The following XK variants were observed in gnomAD, a reference collection of about 807,000 sequenced individuals.
XK encodes the protein endoplasmic reticulum membrane adapter protein XK.
A neutral mutation model predicts 14.0 loss-of-function variants in XK; 2 were observed. The observed-to-expected ratio is 0.14, with a 90% CI of 0.06 to 0.45. The LOEUF (loss-of-function observed/expected upper bound fraction) is 0.45. Ranked by LOEUF, XK falls within the 20% of genes least tolerant of loss-of-function variation. The probability of loss-of-function intolerance (pLI) is 0.98; values close to 1 mark genes in which losing one functional copy is unlikely to be tolerated. For synonymous variants in XK, 149 were observed against 147.5 expected (o/e 1.01, Z -0.08); for missense variants, 235 against 341.5 (o/e 0.69, Z 2.46).
intron 2 of XK, among the ~76,000 whole-genome samples, chrX:37,704,513 G>A (rs1337775184): frequency 9.0e-6 from 1 of 110,609 alleles, no homozygotes; most frequent in Non-Finnish European, 1.9e-5. Flanking sequence ...CTCTAGCCTG[G>A]GCCACAAAAT....
At chrX:37,700,504 T>A (rs182347896) in intron 2 of XK, among the ~76,000 whole-genome samples, 79 of 112,165 alleles carry the variant, frequency 7.0e-4, no homozygotes, top group African/African-American at 2.4e-3. Context: ...GGAGAAGCTA[T>A]CCCATAGAGA....
rs61667945 is a variant in XK, at chrX:37,688,027, ATTTCTTTC to A, written c.245+1849_245+1856del. 3.1e-3 allele frequency among the ~76,000 whole-genome samples: 242 copies of A among 77,252 alleles called. 1 individual carries two copies. The highest frequency in any genetic ancestry group is 3.6e-3 in the Non-Finnish European group (146 of 40,654). 67.1% of individuals were successfully genotyped at this position (77,252 alleles called of 115,157 possible). On this transcript the variant is annotated intron_variant, in intron 1 of 2. Transcript: ENST00000378616. ...TCTGACTTTGGGCAGGGCACTTATCATTTCTTTCTTTCTTTCTTTCTTTCTTTCTTTCT... is the reference window on the plus strand; with the variant it reads ...TCTGACTTTGGGCAGGGCACTTATCATTTCTTTCTTTCTTTCTTTCTTTCT...
At chrX:37,722,201 T>A (rs1414792113) in intron 2 of XK, among the ~76,000 whole-genome samples, 3 of 111,603 alleles carry the variant, frequency 2.7e-5, no homozygotes, top group African/African-American at 9.7e-5. Context: ...ATTATAGAAA[T>A]TTTTCAACAT....
Position 37,728,778 on chromosome X carries a change from T to C in XK, c.*316T>C, listed in dbSNP as rs1477085449. 1 of 265,218 alleles carries C rather than the reference T, an allele frequency of 3.8e-6. No homozygotes were observed. The highest frequency in any genetic ancestry group is 6.7e-6 in the Non-Finnish European group (1 of 148,526). 21.9% of individuals were successfully genotyped at this position (265,218 alleles called of 1,213,427 possible). A position where few individuals can be genotyped will look rare whatever the true frequency, so the allele number is the denominator to read the frequency against. ...GTTGTACTGGTTAGATTCATTAGGT[T>C]GAATGAGGAGAGGGGCTTACCTGTT... On this transcript the variant is annotated 3_prime_UTR_variant, in exon 3 of 3. Coordinates refer to ENST00000378616, the MANE Select transcript of XK (RefSeq NM_021083.4).
In XK at chrX:37,687,813, C is replaced by T. The variant is rs782135226; in HGVS notation, c.245+1607C>T. Among the ~76,000 whole-genome samples, 245 of 111,040 alleles carry T rather than the reference C, an allele frequency of 2.2e-3. 1 individual carries two copies. Among genetic ancestry groups the T allele is most frequent in the African/African-American group, 7.8e-3 (238 of 30,529 alleles). On this transcript the variant is annotated intron_variant, in intron 1 of 2. Coordinates refer to ENST00000378616, the MANE Select transcript of XK (RefSeq NM_021083.4). The stretch of plus-strand genomic sequence containing the variant: ...CTAGAAAGGAAAATAAACAGGTACA[C>T]TGGCAGGAGTGGGAGGTTGCTGCTG...
chrX:37,713,346 G>A (rs1337469623), intron 2 of XK, among the ~76,000 whole-genome samples: 5 of 111,555 alleles, frequency 4.5e-5, no homozygotes, highest in Non-Finnish European at 9.4e-5. Context: ...GAGACATGAA[G>A]GAGAAGTTTT....
Position 37,727,982 on chromosome X carries a change from A to T in XK, c.855A>T (p.Leu285Phe). ...GTTIVLCFLT[L>F]LYTGINMFCW... Reference sequence around the variant, plus strand: ...CCATTGTACTATGCTTTCTAACTTTACTCTATACTGGTATCAACATGTTCT... The same window carrying T: ...CCATTGTACTATGCTTTCTAACTTTTCTCTATACTGGTATCAACATGTTCT... Residue 285 changes from leucine (L) to phenylalanine (F), a missense_variant, in exon 3 of 3, where the codon TTA becomes TTT. Transcript: ENST00000378616. 8.3e-7 allele frequency: 1 copy of T among 1,210,486 alleles called. No individual in the cohort carries two copies. The highest frequency in any genetic ancestry group is 3.0e-5 in the East Asian group (1 of 33,764).
Position 37,694,534 on chromosome X carries a change from T to C in XK, c.494T>C (p.Val165Ala). ...TACATAAGTGTCATGCAGCAGGACGTCACTGTTGGAAGAAGTACGTGTATT... is the reference window on the plus strand; with the variant it reads ...TACATAAGTGTCATGCAGCAGGACGCCACTGTTGGAAGAAGTACGTGTATT... ...QLYISVMQQD[V>A]TVGRSLLMTI... Residue 165 changes from valine to alanine, a missense_variant, in exon 2 of 3, where the codon GTC (valine) becomes GCC (alanine). Val to Ala is a moderately conservative substitution (Grantham distance 64). Coordinates refer to ENST00000378616, the MANE Select transcript of XK (RefSeq NM_021083.4). The C allele has an allele frequency of 2.5e-6, 3 of 1,191,156 alleles. No homozygotes were observed. Among genetic ancestry groups the C allele is most frequent in the Non-Finnish European group, 3.4e-6 (3 of 883,783 alleles).
At chrX:37,711,276 C>G (rs978903950) in intron 2 of XK, among the ~76,000 whole-genome samples, 20 of 112,226 alleles carry the variant, frequency 1.8e-4, no homozygotes, top group African/African-American at 6.5e-4. Context: ...AGCCGTATGT[C>G]CATGCAGCTG....
At chrX:37,727,487 C>A in intron 2 of XK, 149 bp from the exon 3 acceptor site, 1 of 538,046 alleles carries the variant, frequency 1.9e-6, no homozygotes, top group Non-Finnish European at 3.2e-6. Context: ...TACTCAAGCA[C>A]AGTGGGCAGA....
chrX:37,686,543 G>T (rs1205267322), intron 1 of XK, among the ~76,000 whole-genome samples: 1 of 112,141 alleles, frequency 8.9e-6, no homozygotes, highest in African/African-American at 3.2e-5. Context: ...GCTCTGACAG[G>T]ATTGGCTTGT....
chrX:37,705,919 A>AT (rs556188481), intron 2 of XK, among the ~76,000 whole-genome samples: 23,826 of 96,262 alleles, frequency 0.25, 3,105 homozygotes, highest in African/African-American at 0.47. Flanking sequence ...TGCCTGGCTG[A>AT]TTTTTTTTTT....
chrX:37,711,491 C>G (rs1284083163), intron 2 of XK, among the ~76,000 whole-genome samples: 1 of 112,638 alleles, frequency 8.9e-6, no homozygotes, highest in Admixed American at 9.3e-5. Flanking sequence ...GATAAGACTT[C>G]AGCCTCTCTG....
Position 37,727,826 on chromosome X carries a change from G to A in XK, c.699G>A (p.Leu233=), listed in dbSNP as rs1390237051. Residue 233 remains leucine, a synonymous_variant, in exon 3 of 3, where the codon CTG becomes CTA. Transcript: ENST00000378616. The part of the protein sequence containing the change: ...VVVLVLFTSV[L]KTWVVVIILI... ...TCCTGGTCCTCTTTACCTCCGTCCT[G>A]AAGACCTGGGTGGTGGTTATAATAC... The A allele has an allele frequency of 8.3e-7, 1 of 1,209,153 alleles. No homozygotes were observed. Among genetic ancestry groups the A allele is most frequent in the Non-Finnish European group, 1.1e-6 (1 of 895,002 alleles).
chrX:37,731,571 A>G lies in XK; in HGVS notation c.*3109A>G, dbSNP rs1358053068. On this transcript the variant is annotated 3_prime_UTR_variant, in exon 3 of 3. Transcript: ENST00000378616. ...TTTATAGAGTTATTATAGTTATTCA[A>G]ATCCATAAGCAGGTTATTTTTATTT... 1.8e-5 allele frequency: 2 copies of G among 112,535 alleles called. No homozygotes were observed. Among genetic ancestry groups the G allele is most frequent in the Non-Finnish European group, 3.8e-5 (2 of 53,276 alleles). The allele number at this position is 112,535 out of a possible 1,213,427, so 9.3% of individuals were successfully genotyped here. A position where few individuals can be genotyped will look rare whatever the true frequency, so the allele number is the denominator to read the frequency against.
At position 37,685,806 on chromosome X, in the gene XK, C is replaced by G; in HGVS notation, c.-156C>G. 7.6e-6 allele frequency: 3 copies of G among 396,886 alleles called. No individual in the cohort carries two copies. The highest frequency in any genetic ancestry group is 1.0e-5 in the Non-Finnish European group (3 of 290,362). The allele number at this position is 396,886 out of a possible 1,213,427, so 32.7% of individuals were successfully genotyped here. A position where few individuals can be genotyped will look rare whatever the true frequency, so the allele number is the denominator to read the frequency against. ...GTCCAGTTCCAGAGCCCAGGCCGGT[C>G]GGCCGGGCCCGCGTGCCCTCGGCGG... On this transcript the variant is annotated 5_prime_UTR_variant, in exon 1 of 3. Coordinates refer to ENST00000378616, the MANE Select transcript of XK (RefSeq NM_021083.4).
intron 2 of XK, among the ~76,000 whole-genome samples, chrX:37,717,027 G>A (rs1556447968): frequency 1.8e-5 from 2 of 111,770 alleles, no homozygotes; most frequent in African/African-American, 3.3e-5. Context: ...CATGATTTCA[G>A]AAGGTCTTTA....
intron 1 of XK, among the ~76,000 whole-genome samples, chrX:37,693,476 C>CGTGTGTGTGTGTGTGTGTGTGTGTGTGT (rs781954179): frequency 1.0e-5 from 1 of 95,935 alleles, no homozygotes; most frequent in Non-Finnish European, 2.1e-5. Context: ...TCTATCAATT[C>CGTGTGTGTGTGTGTGTGTGTGTGTGTGT]GTGTGTGTGT....
intron 2 of XK, among the ~76,000 whole-genome samples, chrX:37,709,944 A>C (rs1469907692): frequency 8.9e-6 from 1 of 111,880 alleles, no homozygotes; most frequent in Non-Finnish European, 1.9e-5. Flanking sequence ...AGTGAACACA[A>C]AATCAGAAAA....
Sources: gnomAD v4.1 joint callset for allele counts (sites outside exome capture counted in the v4.1 genomes callset) on GRCh38, gnomAD v4.1.1 for gene constraint, MANE v1.5 for transcripts, NCBI Gene and HGNC (gene_info 2026-07-23, HGNC 2026-07-21) for gene names.